Variants in SLC8A1 observed in about 807,000 individuals in gnomAD.
SLC8A1 encodes solute carrier family 8 member A1.
In SLC8A1, 18 loss-of-function variants were observed where a neutral mutation model predicts 68.3. The ratio of observed to expected loss-of-function variants is 0.26; its 90% CI spans 0.18 to 0.39. The LOEUF is 0.39. SLC8A1 is among the 10% of genes least tolerant of loss of function. SLC8A1 has a pLI of 1.00. For missense variants in SLC8A1, 985 were observed against 1,156.7 expected, an observed-to-expected ratio of 0.85 and a Z score of 2.15; for synonymous variants, 475 against 415.5, an observed-to-expected ratio of 1.14 and a Z score of -1.74.
At chr2:40,255,530 G>C (rs1448655487) in intron 2 of SLC8A1, among the ~76,000 whole-genome samples, 2 of 152,194 alleles carry the variant, frequency 1.3e-5, no homozygotes, top group Non-Finnish European at 2.9e-5. Flanking sequence ...CTAAGTGTCA[G>C]GAAACCTCAG....
At chr2:40,265,210 T>C (rs2149110488) in intron 2 of SLC8A1, among the ~76,000 whole-genome samples, 1 of 152,308 alleles carries the variant, frequency 6.6e-6, no homozygotes, top group African/African-American at 2.4e-5. Flanking sequence ...AATAGATCTT[T>C]ATTATTTTAG....
chr2:40,294,753 G>A (rs2070013688), intron 2 of SLC8A1, among the ~76,000 whole-genome samples: 1 of 152,074 alleles, frequency 6.6e-6, no homozygotes, highest in Non-Finnish European at 1.5e-5. Flanking sequence ...ATAAAATAAA[G>A]TTAAATGCAA....
At chr2:40,453,701 C>A (rs546532446), upstream of SLC8A1, among the ~76,000 whole-genome samples, 13 of 152,234 alleles carry the variant, frequency 8.5e-5, no homozygotes, top group Non-Finnish European at 1.6e-4. Flanking sequence ...TTGAGAACCA[C>A]TGCTCTAGGC....
intron 1 of SLC8A1, among the ~76,000 whole-genome samples, chr2:40,503,244 A>C (rs914870442): frequency 6.6e-6 from 1 of 151,990 alleles, no homozygotes; most frequent in Non-Finnish European, 1.5e-5. Flanking sequence ...TAGACTTTGC[A>C]TATGCTGCTC....
At chr2:40,216,073 C>T (rs758019615) in intron 2 of SLC8A1, among the ~76,000 whole-genome samples, 11 of 149,300 alleles carry the variant, frequency 7.4e-5, no homozygotes, top group East Asian at 1.9e-4. Flanking sequence ...ATGTGCAGAA[C>T]GTGCAAGTTT....
intron 1 of SLC8A1, among the ~76,000 whole-genome samples, chr2:40,439,292 G>C (rs1700051915): frequency 6.6e-6 from 1 of 152,154 alleles, no homozygotes; most frequent in Non-Finnish European, 1.5e-5. Context: ...TTAGGATAAA[G>C]GGACATCTTC....
At chr2:40,106,552 T>C (rs982145124) in exon 8 of SLC8A1, 1 of 152,192 alleles carries the variant, frequency 6.6e-6, no homozygotes, top group Non-Finnish European at 1.5e-5. Context: ...CTCATACATA[T>C]ATTTATCATA....
chr2:40,257,324 G>C (rs1201766658), intron 2 of SLC8A1, among the ~76,000 whole-genome samples: 1 of 152,056 alleles, frequency 6.6e-6, no homozygotes, highest in Non-Finnish European at 1.5e-5. Flanking sequence ...ATCAGCTACT[G>C]GTGGAAAATT....
intron 2 of SLC8A1, among the ~76,000 whole-genome samples, chr2:40,306,985 A>T (rs1371473705): frequency 6.6e-6 from 1 of 152,200 alleles, no homozygotes; most frequent in Admixed American, 6.5e-5. Context: ...GAAAAAAATC[A>T]ATATATAGCA....
At chr2:40,214,282 C>T (rs2057098191) in intron 2 of SLC8A1, among the ~76,000 whole-genome samples, 1 of 152,078 alleles carries the variant, frequency 6.6e-6, no homozygotes, top group African/African-American at 2.4e-5. Context: ...TCTGCTTTGC[C>T]CACAGAAAAG....
chr2:40,495,340 T>A (rs1045432578), intron 1 of SLC8A1, among the ~76,000 whole-genome samples: 1 of 152,054 alleles, frequency 6.6e-6, no homozygotes, highest in African/African-American at 2.4e-5. Flanking sequence ...TCTCTATGCC[T>A]GAAAGCAAAA....
At chr2:40,254,230 A>G (rs2149056475) in intron 2 of SLC8A1, among the ~76,000 whole-genome samples, 1 of 152,330 alleles carries the variant, frequency 6.6e-6, no homozygotes. Flanking sequence ...TCATTGATAA[A>G]TTAAAAATAG....
intron 2 of SLC8A1, among the ~76,000 whole-genome samples, chr2:40,333,437 CAA>C (rs11392390): frequency 4.1e-5 from 3 of 73,864 alleles, no homozygotes; most frequent in African/African-American, 4.1e-5. Flanking sequence ...GACTCCGTCT[CAA>C]AAAAAAAAAA....
intron 2 of SLC8A1, among the ~76,000 whole-genome samples, chr2:40,323,380 T>C (rs2075439191): frequency 6.6e-6 from 1 of 152,208 alleles, no homozygotes. Flanking sequence ...AGAATTGTCA[T>C]GTCTGAATCT....
chr2:40,171,067 C>T (rs1483028865), intron 4 of SLC8A1, among the ~76,000 whole-genome samples: 1 of 152,184 alleles, frequency 6.6e-6, no homozygotes, highest in Non-Finnish European at 1.5e-5. Context: ...CTACCAAGAG[C>T]TACCCATAAC....
At chr2:40,372,549 A>T (rs1001020631) in intron 2 of SLC8A1, among the ~76,000 whole-genome samples, 7 of 152,122 alleles carry the variant, frequency 4.6e-5, no homozygotes, top group Admixed American at 6.6e-5. Flanking sequence ...CGCCCCATGA[A>T]GGCAAGCAAT....
chr2:40,506,042 T>C (rs1385487030), intron 1 of SLC8A1, among the ~76,000 whole-genome samples: 1 of 151,806 alleles, frequency 6.6e-6, no homozygotes, highest in East Asian at 1.9e-4. Context: ...GAGCTAGTCA[T>C]GTGTTAGTGT....
chr2:40,311,034 G>C (rs370733524), intron 2 of SLC8A1, among the ~76,000 whole-genome samples: 11 of 152,028 alleles, frequency 7.2e-5, no homozygotes, highest in African/African-American at 2.4e-4. Flanking sequence ...TAGAAACTGA[G>C]AGAAATAATT....
intron 2 of SLC8A1, among the ~76,000 whole-genome samples, chr2:40,197,309 C>G (rs2053237368): frequency 6.6e-6 from 1 of 151,982 alleles, no homozygotes; most frequent in Non-Finnish European, 1.5e-5. Context: ...AGATCGTTGG[C>G]AGAAGTGACA....
Sources: allele counts gnomAD v4.1 joint callset (sites outside exome capture counted in the v4.1 genomes callset), GRCh38; gene constraint gnomAD v4.1.1; transcripts MANE v1.5; gene names NCBI Gene and HGNC (gene_info 2026-07-23, HGNC 2026-07-21).